DIP2C: variants seen among roughly 807,000 people sequenced by gnomAD.
DIP2C encodes disco-interacting protein 2 homolog C.
A neutral mutation model predicts 192.4 loss-of-function variants in DIP2C; 33 were observed. The observed-to-expected ratio is 0.17, with a 90% CI of 0.13 to 0.23. The LOEUF (loss-of-function observed/expected upper bound fraction) is 0.23, where lower values mean the gene tolerates loss of function less well. DIP2C is among the 10% of genes least tolerant of loss of function. The pLI, the probability that DIP2C is intolerant of heterozygous loss-of-function variation, is 1.00. For missense variants in DIP2C, 1,537 were observed against 2,110.1 expected, an observed-to-expected ratio of 0.73 and a Z score of 5.32; for synonymous variants, 979 against 864.1, an observed-to-expected ratio of 1.13 and a Z score of -2.33.
chr10:641,246 G>A (rs568042871), intron 1 of DIP2C, among the ~76,000 whole-genome samples: 15 of 152,164 alleles, frequency 9.9e-5, no homozygotes, highest in Non-Finnish European at 2.2e-4. Flanking sequence ...GTCTGTGACT[G>A]AGGGGAATCC....
chr10:608,211 G>GC (rs1233309583), intron 1 of DIP2C, among the ~76,000 whole-genome samples: 12 of 15,542 alleles, frequency 7.7e-4, no homozygotes, highest in Non-Finnish European at 9.0e-4. Flanking sequence ...CACACACACA[G>GC]CCCCCCCACA....
intron 1 of DIP2C, among the ~76,000 whole-genome samples, chr10:632,303 A>G (rs1486792772): frequency 6.6e-6 from 1 of 152,284 alleles, no homozygotes; most frequent in East Asian, 1.9e-4. Flanking sequence ...ACAAGCGGCC[A>G]GCACTGTAAC....
chr10:653,103 C>T (rs1332912680), intron 1 of DIP2C, among the ~76,000 whole-genome samples: 1 of 151,428 alleles, frequency 6.6e-6, no homozygotes, highest in Non-Finnish European at 1.5e-5. Flanking sequence ...TGAGGGGTGA[C>T]GTCTGTACTG....
chr10:650,390 C>T (rs1296996647), intron 1 of DIP2C: 12 of 716,474 alleles, frequency 1.7e-5, no homozygotes, highest in Non-Finnish European at 3.1e-5. Flanking sequence ...ACGGCAGCCA[C>T]ACGCCCCAGA....
At chr10:587,270 C>A (rs1851116611) in intron 1 of DIP2C, among the ~76,000 whole-genome samples, 1 of 152,148 alleles carries the variant, frequency 6.6e-6, no homozygotes, top group African/African-American at 2.4e-5. Context: ...AAGGCTGGAC[C>A]ACCCAGGGTC....
At chr10:329,305 T>C (rs1267474797) in intron 30 of DIP2C, 128 bp downstream of exon 30, 2 of 975,890 alleles carry the variant, frequency 2.0e-6, no homozygotes, top group Non-Finnish European at 2.8e-6. Flanking sequence ...AAGCTTCAGG[T>C]GACGTTAGAT....
intron 1 of DIP2C, among the ~76,000 whole-genome samples, chr10:565,306 C>T (rs937735224): frequency 4.1e-5 from 6 of 146,194 alleles, no homozygotes; most frequent in African/African-American, 1.6e-4. Context: ...TTAAATTCAG[C>T]TGAGGAAACC....
chr10:505,825 T>C (rs1235433207), intron 1 of DIP2C, among the ~76,000 whole-genome samples: 1 of 152,144 alleles, frequency 6.6e-6, no homozygotes, highest in African/African-American at 2.4e-5. Context: ...GGGGACCACC[T>C]GCCCAGCCAT....
At chr10:611,028 AGGT>A (rs1564267808) in intron 1 of DIP2C, among the ~76,000 whole-genome samples, 3 of 122,488 alleles carry the variant, frequency 2.4e-5, no homozygotes, top group African/African-American at 9.8e-5. Flanking sequence ...CCCTGGTGGG[AGGT>A]GACTGACTCA....
In DIP2C at chr10:291,567, C is replaced by G. The variant is rs534411969; in HGVS notation, c.3987-3146G>C. ...ATACACATCAGAGGGCTGATTCCCT[C>G]CATGTGCAAAGAACTCATAGAAATG... On this transcript the variant is annotated intron_variant, in intron 32 of 36. Coordinates refer to ENST00000280886, the MANE Select transcript of DIP2C (RefSeq NM_014974.3). 2.0e-5 allele frequency among the ~76,000 whole-genome samples: 3 copies of G among 151,484 alleles called. No individual in the cohort carries two copies. In the South Asian group the frequency reaches 6.2e-4, roughly 31 times the overall value.
At chr10:639,109 A>C (rs7085526) in intron 1 of DIP2C, among the ~76,000 whole-genome samples, 1 of 49,816 alleles carries the variant, frequency 2.0e-5, no homozygotes, top group African/African-American at 6.4e-5. Flanking sequence ...GGTCGGGAGG[A>C]TGCTGCCCGG....
chr10:629,524 C>A (rs1422015936), intron 1 of DIP2C, among the ~76,000 whole-genome samples: 1 of 152,224 alleles, frequency 6.6e-6, no homozygotes, highest in Non-Finnish European at 1.5e-5. Flanking sequence ...TTAACCCACA[C>A]TGGGGGAAGG....
intron 26 of DIP2C, 57 bp from the exon 27 acceptor site, chr10:345,167 C>T: frequency 6.7e-7 from 1 of 1,496,466 alleles, no homozygotes; most frequent in Admixed American, 1.8e-5. Context: ...AAAGCGTGCT[C>T]ACTTCACACG....
chr10:283,369 G>C lies in DIP2C; in HGVS notation c.4197C>G (p.Phe1399Leu). The C allele has an allele frequency of 6.2e-7, 1 of 1,614,214 alleles. No individual in the cohort carries two copies. The highest frequency in any genetic ancestry group is 8.5e-7 in the Non-Finnish European group (1 of 1,180,042). The change falls in exon 35 of 37, where the codon TTC becomes TTG. Residue 1399 changes from phenylalanine to leucine, a missense_variant. Transcript: ENST00000280886. ...YGDESLQSDH[F>L]NSRLSFGDTQ... The stretch of plus-strand genomic sequence containing the variant: ...TGTCTCCAAAACTTAGTCTTGAGTT[G>C]AAGTGATCTGACTGGAGGGATTCGT...
At chr10:356,274 G>A (rs748289291) in intron 24 of DIP2C, 152 bp downstream of exon 24, 1 of 840,902 alleles carries the variant, frequency 1.2e-6, no homozygotes, top group Non-Finnish European at 2.0e-6. Flanking sequence ...ACAATCCCTA[G>A]GTACAAAAGT....
At chr10:372,586 T>C (rs1961094776) in intron 17 of DIP2C, among the ~76,000 whole-genome samples, 2 of 152,244 alleles carry the variant, frequency 1.3e-5, no homozygotes, top group African/African-American at 4.8e-5. Flanking sequence ...TCATATTTGA[T>C]AGATTCCCTT....
At position 324,460 on chromosome 10, in the gene DIP2C, C is replaced by T. The variant is rs76511234; in HGVS notation, c.3924+2546G>A. 8.6e-3 allele frequency among the ~76,000 whole-genome samples: 1,305 copies of T among 152,324 alleles called. 6 individuals are homozygous for T. The highest frequency in any genetic ancestry group is 0.013 in the Non-Finnish European group (907 of 68,036). On this transcript the variant is annotated intron_variant, in intron 31 of 36. Transcript: ENST00000280886. Reference sequence around the variant, plus strand: ...GGAGGTGAGCTCGCATTGCTTTGTACATAAATTTAATTTCTCTCTGCTGGT... The same window carrying T: ...GGAGGTGAGCTCGCATTGCTTTGTATATAAATTTAATTTCTCTCTGCTGGT...
At chr10:685,135 CAAAA>C (rs140709069) in intron 1 of DIP2C, among the ~76,000 whole-genome samples, 22 of 72,946 alleles carry the variant, frequency 3.0e-4, no homozygotes, top group African/African-American at 7.9e-4. Context: ...ACTTGGTCCC[CAAAA>C]AAAAAAAAAA....
At chr10:305,074 T>G (rs1229965864) in intron 32 of DIP2C, among the ~76,000 whole-genome samples, 1 of 152,170 alleles carries the variant, frequency 6.6e-6, no homozygotes, top group Admixed American at 6.5e-5. Context: ...CTCATGCACA[T>G]GCATGTGCAG....
Sources: gnomAD v4.1 joint callset for allele counts (sites outside exome capture counted in the v4.1 genomes callset) on GRCh38, gnomAD v4.1.1 for gene constraint, MANE v1.5 for transcripts, NCBI Gene and HGNC (gene_info 2026-07-23, HGNC 2026-07-21) for gene names.